The following CDH18 variants were observed in gnomAD, a reference collection of about 807,000 sequenced individuals.
The protein encoded by CDH18 is cadherin-18.
Under a neutral mutation model 67.9 loss-of-function variants are expected in CDH18, and 31 were observed. That is an observed-to-expected ratio of 0.46 (90% CI 0.34 to 0.62). The LOEUF is 0.62. Among genes scored for constraint, CDH18 ranks in the 20% least tolerant of loss-of-function variants. The pLI is 0.01. For synonymous variants in CDH18, 362 were observed against 347.2 expected (o/e 1.04, Z -0.48); for missense variants, 890 against 975.5 (o/e 0.91, Z 1.17).
At chr5:20,079,680 C>T (rs931676157) in intron 2 of CDH18, among the ~76,000 whole-genome samples, 4 of 152,134 alleles carry the variant, frequency 2.6e-5, no homozygotes, top group Non-Finnish European at 2.9e-5. Context: ...ATCACCAACA[C>T]TTTTGTAAGG....
intron 2 of CDH18, among the ~76,000 whole-genome samples, chr5:20,152,939 A>ATTTTTT (rs34475393): frequency 2.4e-5 from 3 of 125,902 alleles, no homozygotes; most frequent in African/African-American, 5.9e-5. Flanking sequence ...AGGATGAGGA[A>ATTTTTT]TTTTTTTTTT....
In CDH18 at chr5:20,279,699, C is replaced by CAAA. The variant is rs1189257278; in HGVS notation, c.-579-24197_-579-24195dup. 3.3e-3 allele frequency among the ~76,000 whole-genome samples: 45 copies of CAAA among 13,588 alleles called. 4 individuals are homozygous for CAAA. Among genetic ancestry groups the CAAA allele is most frequent in the African/African-American group, 0.01 (39 of 3,770 alleles). 8.9% of individuals were successfully genotyped at this position (13,588 alleles called of 152,430 possible). On this transcript the variant is annotated intron_variant, in intron 1 of 14. Coordinates refer to the CDH18 transcript ENST00000507958. ...GGGTGACAAAAGAGAAGCTCTGTCT[C>CAAA]AAAAAAAAAAAAAAAAAAAAAAAAA...
At chr5:19,659,137 T>G (rs770114053) in intron 5 of CDH18, among the ~76,000 whole-genome samples, 9 of 152,164 alleles carry the variant, frequency 5.9e-5, no homozygotes, top group Non-Finnish European at 1.0e-4. Flanking sequence ...TAAAATATAT[T>G]AACCTCTGTA....
chr5:19,804,467 C>T (rs1435649040), intron 3 of CDH18, among the ~76,000 whole-genome samples: 1 of 152,116 alleles, frequency 6.6e-6, no homozygotes, highest in Non-Finnish European at 1.5e-5. Flanking sequence ...TTGGACCTCA[C>T]ACAATTTGTT....
intron 2 of CDH18, among the ~76,000 whole-genome samples, chr5:20,048,365 ATATT>A (rs1461592804): frequency 6.6e-5 from 10 of 151,686 alleles, no homozygotes; most frequent in Non-Finnish European, 1.2e-4. Flanking sequence ...TTGAAAAAAA[ATATT>A]TAGGAAGATA....
intron 2 of CDH18, among the ~76,000 whole-genome samples, chr5:19,890,340 A>C (rs1788653499): frequency 6.6e-6 from 1 of 151,938 alleles, no homozygotes; most frequent in Non-Finnish European, 1.5e-5. Flanking sequence ...CTCCCATCTC[A>C]AGACCCTTAA....
intron 2 of CDH18, among the ~76,000 whole-genome samples, chr5:20,011,167 A>G (rs189287984): frequency 3.3e-5 from 5 of 152,176 alleles, no homozygotes; most frequent in Admixed American, 1.3e-4. Flanking sequence ...GTAGAGATCT[A>G]TTGCTTCCCT....
chr5:20,502,233 A>G (rs953769713), intron 1 of CDH18, among the ~76,000 whole-genome samples: 37 of 152,174 alleles, frequency 2.4e-4, no homozygotes, highest in African/African-American at 8.4e-4. Context: ...ATGTTGTTCA[A>G]TGGATTACTT....
At chr5:19,785,680 ATATATATATATATAT>A (rs1181361562) in intron 3 of CDH18, among the ~76,000 whole-genome samples, 4 of 13,164 alleles carry the variant, frequency 3.0e-4, no homozygotes, top group Admixed American at 3.2e-3. Flanking sequence ...AAAAAAAAAA[ATATATATATATATAT>A]ATATATATAT....
intron 2 of CDH18, among the ~76,000 whole-genome samples, chr5:19,854,945 T>G (rs1784103118): frequency 6.8e-6 from 1 of 146,336 alleles, no homozygotes; most frequent in East Asian, 2.0e-4. Context: ...TTCAGTTTTG[T>G]TTTTTTTTTT....
chr5:19,578,491 A>G (rs1199229971), intron 7 of CDH18, among the ~76,000 whole-genome samples: 3 of 151,982 alleles, frequency 2.0e-5, no homozygotes, highest in Non-Finnish European at 4.4e-5. Flanking sequence ...AATGTTTTCA[A>G]GCTGCTTATT....
intron 2 of CDH18, among the ~76,000 whole-genome samples, chr5:19,851,136 G>C (rs746340660): frequency 6.6e-5 from 10 of 151,726 alleles, no homozygotes; most frequent in Non-Finnish European, 1.5e-4. Context: ...TAGATAATTT[G>C]AAGATCCATT....
chr5:20,345,811 G>T (rs1262681405), intron 1 of CDH18, among the ~76,000 whole-genome samples: 22 of 152,042 alleles, frequency 1.4e-4, no homozygotes, highest in Admixed American at 1.2e-3. Flanking sequence ...TGCTTCTGTA[G>T]TCCTTCCATT....
At chr5:20,144,150 C>T (rs557461664) in intron 2 of CDH18, among the ~76,000 whole-genome samples, 59 of 152,000 alleles carry the variant, frequency 3.9e-4, no homozygotes, top group South Asian at 1.5e-3. Flanking sequence ...AGCCATAGAT[C>T]CACAGAGCAG....
At chr5:19,884,737 T>C (rs2150066305) in intron 2 of CDH18, among the ~76,000 whole-genome samples, 1 of 152,186 alleles carries the variant, frequency 6.6e-6, no homozygotes, top group African/African-American at 2.4e-5. Context: ...TGTTATTTTA[T>C]CATTTTATTG....
intron 3 of CDH18, among the ~76,000 whole-genome samples, chr5:19,775,527 G>A (rs1774263823): frequency 1.3e-5 from 2 of 151,710 alleles, no homozygotes; most frequent in Admixed American, 6.6e-5. Context: ...AAAAGCAGGA[G>A]CGAGAGAAAG....
intron 1 of CDH18, among the ~76,000 whole-genome samples, chr5:20,534,264 A>G (rs1214491695): frequency 6.6e-6 from 1 of 152,076 alleles, no homozygotes; most frequent in East Asian, 1.9e-4. Context: ...TCTTTAACAC[A>G]TATATGAACT....
chr5:20,194,785 T>C (rs1255386126), intron 2 of CDH18, among the ~76,000 whole-genome samples: 1 of 151,994 alleles, frequency 6.6e-6, no homozygotes, highest in Non-Finnish European at 1.5e-5. Context: ...TAAGGAGGGA[T>C]TTTCTTCCTC....
At chr5:19,727,934 C>G (rs1049915498) in intron 4 of CDH18, among the ~76,000 whole-genome samples, 1 of 152,068 alleles carries the variant, frequency 6.6e-6, no homozygotes, top group East Asian at 1.9e-4. Context: ...AATTTTATCA[C>G]TCGTTAAAAG....
Sources: allele counts gnomAD v4.1 joint callset (sites outside exome capture counted in the v4.1 genomes callset), GRCh38; gene constraint gnomAD v4.1.1; transcripts MANE v1.5; gene names NCBI Gene and HGNC (gene_info 2026-07-23, HGNC 2026-07-21).